SMCO4: variants seen among roughly 807,000 people sequenced by gnomAD.
SMCO4 encodes single-pass membrane and coiled-coil domain-containing protein 4.
SMCO4 carries 4 observed loss-of-function variants against 3.6 expected under a neutral mutation model. That is an observed-to-expected ratio of 1.11 (90% CI 0.54 to 2.53). The LOEUF is 2.53. SMCO4 is among the 30% of genes most tolerant of loss of function. SMCO4 has a pLI of 0.02. For missense variants in SMCO4, 70 were observed against 80.8 expected (o/e 0.87, Z 0.51); for synonymous variants, 36 against 35.3 (o/e 1.02, Z -0.07).
intron 1 of SMCO4, among the ~76,000 whole-genome samples, chr11:93,542,555 G>C (rs1006376398): frequency 1.3e-5 from 2 of 152,162 alleles, no homozygotes; most frequent in Non-Finnish European, 2.9e-5. Flanking sequence ...GGGAGGGGCG[G>C]TAGTCGGCCC....
intron 1 of SMCO4, among the ~76,000 whole-genome samples, chr11:93,541,258 G>A (rs763635026): frequency 1.7e-4 from 26 of 152,188 alleles, no homozygotes; most frequent in Non-Finnish European, 2.6e-4. Context: ...GGGTCTAGGG[G>A]ACAGGAGCGG....
intron 1 of SMCO4, among the ~76,000 whole-genome samples, chr11:93,534,371 T>TAGAGAGAGAG (rs763362078): frequency 8.7e-5 from 11 of 126,012 alleles, no homozygotes; most frequent in Non-Finnish European, 1.2e-4. Flanking sequence ...TATATATATA[T>TAGAGAGAGAG]ATATAGAGAG....
intron 2 of SMCO4, among the ~76,000 whole-genome samples, chr11:93,487,232 G>C (rs1359048588): frequency 6.6e-6 from 1 of 152,182 alleles, no homozygotes; most frequent in South Asian, 2.1e-4. Flanking sequence ...GCGGCAGAGT[G>C]GGGGTAGGGG....
chr11:93,532,961 C>T lies in SMCO4; in HGVS notation c.-154+10315G>A, dbSNP rs1309647505. ...CTCCTTCTGTTCAGTGCAAAATCAC[C>T]AACACCTAGAACAGTGTATTTCCTG... On this transcript the variant is annotated intron_variant, in intron 1 of 2. Coordinates refer to ENST00000298966, the MANE Select transcript of SMCO4 (RefSeq NM_020179.3). 3.3e-5 allele frequency among the ~76,000 whole-genome samples: 5 copies of T among 152,126 alleles called. No homozygotes were observed. The East Asian group carries it at 9.6e-4, about 29-fold the overall frequency.
intron 1 of SMCO4, among the ~76,000 whole-genome samples, chr11:93,500,692 T>C (rs1173589984): frequency 6.6e-6 from 1 of 152,194 alleles, no homozygotes; most frequent in Non-Finnish European, 1.5e-5. Context: ...CTCTAAGAGA[T>C]AATTGCCATT....
Position 93,481,414 on chromosome 11 carries a change from C to A in SMCO4, c.-80-2145G>T, listed in dbSNP as rs193185315. The stretch of plus-strand genomic sequence containing the variant: ...TGAGCTCCTCTAAGCCTGACTGCAG[C>A]CTTGAGTGATGCCCACCTTCGCGGG... On this transcript the variant is annotated intron_variant, in intron 2 of 2. Transcript: ENST00000298966. The A allele has an allele frequency of 4.9e-4, 480 of 985,272 alleles. 1 individual carries two copies. The African/African-American group carries it at 5.8e-3, about 12-fold the overall frequency. 61.0% of individuals were successfully genotyped at this position (985,272 alleles called of 1,614,324 possible).
chr11:93,535,721 ACCT>A, intron 1 of SMCO4: 6 of 1,613,886 alleles, frequency 3.7e-6, no homozygotes. Flanking sequence ...GCTTATTCAA[ACCT>A]CCTGAGAGCT....
chr11:93,548,509 T>C, the SMCO4 span, among the ~76,000 whole-genome samples: 2 of 152,226 alleles, frequency 1.3e-5, no homozygotes, highest in African/African-American at 2.4e-5. Context: ...TGTTTCCTTT[T>C]CTGCCTCATA....
intron 2 of SMCO4, among the ~76,000 whole-genome samples, chr11:93,480,412 C>A (rs1948578366): frequency 6.6e-6 from 1 of 152,206 alleles, no homozygotes; most frequent in South Asian, 2.1e-4. Flanking sequence ...CTCGCCACCC[C>A]CCAGCATTCT....
chr11:93,481,496 C>T (rs1048824620), intron 2 of SMCO4: 5 of 985,216 alleles, frequency 5.1e-6, no homozygotes, highest in Admixed American at 6.2e-5. Flanking sequence ...ACAGAGCGGG[C>T]GGCGAATTCG....
chr11:93,541,614 G>A (rs1003807910), intron 1 of SMCO4, among the ~76,000 whole-genome samples: 1 of 152,112 alleles, frequency 6.6e-6, no homozygotes. Flanking sequence ...CGGGTCCACA[G>A]GTGAAATACA....
chr11:93,526,138 C>T (rs1205792499), intron 1 of SMCO4, among the ~76,000 whole-genome samples: 1 of 152,064 alleles, frequency 6.6e-6, no homozygotes, highest in Admixed American at 6.5e-5. Flanking sequence ...GCCTACTGTA[C>T]CTTGATGTTC....
intron 1 of SMCO4, among the ~76,000 whole-genome samples, chr11:93,509,142 T>G (rs1257828580): frequency 6.6e-6 from 1 of 150,522 alleles, no homozygotes; most frequent in African/African-American, 2.4e-5. Context: ...AAAAAAAAAG[T>G]TAGCTGGGCA....
chr11:93,539,911 A>AGAACCCCCTGAATTCTGT (rs1949257637), intron 1 of SMCO4, among the ~76,000 whole-genome samples: 1 of 151,914 alleles, frequency 6.6e-6, no homozygotes. Context: ...CCTTCCAGCT[A>AGAACCCCCTGAATTCTGT]GAACCCCCTG....
At chr11:93,488,736 G>A (rs144854468) in intron 2 of SMCO4, among the ~76,000 whole-genome samples, 38 of 152,258 alleles carry the variant, frequency 2.5e-4, no homozygotes, top group Non-Finnish European at 5.3e-4. Flanking sequence ...TGCAAAGCAG[G>A]GAGAATGGGC....
intron 2 of SMCO4, among the ~76,000 whole-genome samples, chr11:93,480,143 C>T (rs1285967988): frequency 6.6e-6 from 1 of 152,214 alleles, no homozygotes; most frequent in Non-Finnish European, 1.5e-5. Flanking sequence ...CAGACTTCAG[C>T]TGATTTAAAT....
upstream of SMCO4, among the ~76,000 whole-genome samples, chr11:93,546,016 G>C (rs1319611267): frequency 6.6e-6 from 1 of 152,248 alleles, no homozygotes; most frequent in Non-Finnish European, 1.5e-5. Context: ...GGGAAAGCCA[G>C]CCAAAAATAG....
intron 2 of SMCO4, among the ~76,000 whole-genome samples, chr11:93,484,517 G>A (rs987275754): frequency 6.6e-6 from 1 of 152,110 alleles, no homozygotes; most frequent in Non-Finnish European, 1.5e-5. Context: ...TGTAAAATGG[G>A]TAAGAAACCT....
intron 1 of SMCO4, among the ~76,000 whole-genome samples, chr11:93,501,930 AAC>A (rs1948843017): frequency 6.6e-6 from 1 of 152,036 alleles, no homozygotes; most frequent in African/African-American, 2.4e-5. Context: ...ACACACTTGG[AAC>A]CCCTGCTATG....
Sources: allele counts gnomAD v4.1 joint callset (sites outside exome capture counted in the v4.1 genomes callset), GRCh38; gene constraint gnomAD v4.1.1; transcripts MANE v1.5; gene names NCBI Gene and HGNC (gene_info 2026-07-23, HGNC 2026-07-21).